The following AUTS2 variants were observed in gnomAD, a reference collection of about 807,000 sequenced individuals.
AUTS2 encodes autism susceptibility gene 2 protein.
Under a neutral mutation model 112.4 loss-of-function variants are expected in AUTS2, and 17 were observed. That is an observed-to-expected ratio of 0.15 (90% CI 0.10 to 0.23). The LOEUF is 0.23. AUTS2 is among the 10% of genes least tolerant of loss of function. The pLI, the probability that AUTS2 is intolerant of heterozygous loss-of-function variation, is 1.00. For synonymous variants in AUTS2, 751 were observed against 702.7 expected (o/e 1.07, Z -1.09); for missense variants, 1,510 against 1,701.6 (o/e 0.89, Z 1.98).
intron 4 of AUTS2, among the ~76,000 whole-genome samples, chr7:70,432,678 C>G (rs369504329): frequency 6.6e-6 from 1 of 152,150 alleles, no homozygotes; most frequent in East Asian, 1.9e-4. Context: ...GCAAGGCAAA[C>G]GTTAGGCGCT....
intron 1 of AUTS2, among the ~76,000 whole-genome samples, chr7:69,679,353 A>G (rs1719349523): frequency 6.6e-6 from 1 of 152,224 alleles, no homozygotes; most frequent in South Asian, 2.1e-4. Context: ...AGGCTCAACA[A>G]TGCCTTAGCT....
chr7:69,701,253 A>G (rs1797791394), intron 1 of AUTS2, among the ~76,000 whole-genome samples: 1 of 152,246 alleles, frequency 6.6e-6, no homozygotes, highest in African/African-American at 2.4e-5. Context: ...AAAGTCGTAC[A>G]GGGCAGTGGT....
intron 5 of AUTS2, chr7:70,436,765 C>T (rs1795910262): frequency 6.6e-6 from 1 of 152,226 alleles, no homozygotes; most frequent in African/African-American, 2.4e-5. Context: ...GAATTTTTCT[C>T]TCCTTCTCTG....
chr7:70,774,967 C>T (rs778111894), intron 12 of AUTS2: 13 of 214,222 alleles, frequency 6.1e-5, no homozygotes, highest in Non-Finnish European at 9.1e-5. Context: ...GGACACCTCT[C>T]CCCAGATACC....
At chr7:70,193,253 A>T (rs1809997829) in intron 4 of AUTS2, among the ~76,000 whole-genome samples, 1 of 152,156 alleles carries the variant, frequency 6.6e-6, no homozygotes, top group African/African-American at 2.4e-5. Flanking sequence ...CATTATCTAA[A>T]CGTATGCATT....
rs11767893 is a variant in AUTS2, at chr7:70,487,201, C to G, written c.690+51420C>G. Among the ~76,000 whole-genome samples, 9 of 152,018 alleles carry G rather than the reference C, an allele frequency of 5.9e-5. No individual in the cohort carries two copies. In the South Asian group the frequency reaches 6.2e-4, roughly 11 times the overall value. ...TTTTGCCCTCCTTTTTCTGACTCAT[C>G]TACCTCATCCTTCTCCTTTCCTCCC... On this transcript the variant is annotated intron_variant, in intron 5 of 18. Transcript: ENST00000342771.
chr7:70,568,596 T>G (rs2129524932), intron 5 of AUTS2, among the ~76,000 whole-genome samples: 1 of 152,326 alleles, frequency 6.6e-6, no homozygotes, highest in East Asian at 1.9e-4. Context: ...TGTTCTCAAG[T>G]GGGCACACAG....
chr7:70,230,860 C>T (rs1169516351), intron 4 of AUTS2, among the ~76,000 whole-genome samples: 1 of 152,204 alleles, frequency 6.6e-6, no homozygotes, highest in Non-Finnish European at 1.5e-5. Flanking sequence ...TTGTTTTTGA[C>T]AATACCCTTT....
chr7:70,582,270 C>T (rs1279075506), intron 5 of AUTS2, among the ~76,000 whole-genome samples: 3 of 152,038 alleles, frequency 2.0e-5, no homozygotes, highest in Admixed American at 6.6e-5. Context: ...TTTTCAGACC[C>T]GCACTCTTTC....
At chr7:70,208,602 G>C (rs898026739) in intron 4 of AUTS2, among the ~76,000 whole-genome samples, 1 of 152,026 alleles carries the variant, frequency 6.6e-6, no homozygotes, top group Non-Finnish European at 1.5e-5. Flanking sequence ...AAGCCTTGCT[G>C]TCAAAGACGT....
rs370428437 is a variant in AUTS2, at chr7:69,914,134, C to T, written c.522+14636C>T. Among the ~76,000 whole-genome samples the T allele has an allele frequency of 1.3e-4, 20 of 152,244 alleles. No individual in the cohort carries two copies. In the East Asian group the frequency reaches 3.9e-3, roughly 29 times the overall value. ...TTCTATGTCCTTCCTTATGTCTGCACCTTCTGCTGCACTCCAAGCTCTACT... is the reference window on the plus strand; with the variant it reads ...TTCTATGTCCTTCCTTATGTCTGCATCTTCTGCTGCACTCCAAGCTCTACT... On this transcript the variant is annotated intron_variant, in intron 2 of 18. Transcript: ENST00000342771.
In AUTS2 at chr7:70,010,658, A is replaced by G. The variant is rs923831527; in HGVS notation, c.523-107474A>G. Reference sequence around the variant, plus strand: ...TTTAGCCATGGAGATTTTGCAGTTGATACTACAGCATTATGTAGCCTATCC... The same window carrying G: ...TTTAGCCATGGAGATTTTGCAGTTGGTACTACAGCATTATGTAGCCTATCC... On this transcript the variant is annotated intron_variant, in intron 2 of 18. Coordinates refer to ENST00000342771, the MANE Select transcript of AUTS2 (RefSeq NM_015570.4). Among the ~76,000 whole-genome samples, 13 of 152,182 alleles carry G rather than the reference A, an allele frequency of 8.5e-5. No homozygotes were observed. In the East Asian group the frequency reaches 2.3e-3, roughly 27 times the overall value.
At chr7:69,914,119 T>A (rs2129542109) in intron 2 of AUTS2, among the ~76,000 whole-genome samples, 2 of 152,312 alleles carry the variant, frequency 1.3e-5, no homozygotes, top group South Asian at 4.1e-4. Context: ...TTCTATGTCC[T>A]TCCTTATGTC....
At chr7:69,659,480 A>G (rs528074130) in intron 1 of AUTS2, among the ~76,000 whole-genome samples, 1 of 143,412 alleles carries the variant, frequency 7.0e-6, no homozygotes, top group Non-Finnish European at 1.5e-5. Context: ...AAACGCCGCT[A>G]TACCTACTAA....
chr7:70,528,978 A>G (rs1356668574), intron 5 of AUTS2, among the ~76,000 whole-genome samples: 1 of 152,194 alleles, frequency 6.6e-6, no homozygotes, highest in Non-Finnish European at 1.5e-5. Flanking sequence ...AAACTCATTC[A>G]TAAACTATGG....
intron 5 of AUTS2, among the ~76,000 whole-genome samples, chr7:70,491,438 A>ACATAATATATATGT (rs1491465652): frequency 2.9e-5 from 4 of 139,420 alleles, no homozygotes; most frequent in African/African-American, 8.1e-5. Flanking sequence ...ACACACACAC[A>ACATAATATATATGT]TATATACACA....
intron 3 of AUTS2, among the ~76,000 whole-genome samples, chr7:70,123,574 C>T (rs1474284479): frequency 1.3e-5 from 2 of 152,162 alleles, no homozygotes; most frequent in Admixed American, 1.3e-4. Context: ...TTATTTAGCT[C>T]CCACTTATAA....
chr7:70,415,758 A>C (rs1473035921), intron 4 of AUTS2, among the ~76,000 whole-genome samples: 2 of 152,192 alleles, frequency 1.3e-5, no homozygotes, highest in Non-Finnish European at 2.9e-5. Flanking sequence ...CGGGGAGAGC[A>C]AGTCAACGGT....
intron 1 of AUTS2, among the ~76,000 whole-genome samples, chr7:69,867,109 A>G (rs1418843902): frequency 2.6e-5 from 4 of 152,134 alleles, no homozygotes; most frequent in Non-Finnish European, 2.9e-5. Flanking sequence ...AGGATGAAGG[A>G]GCAGTGAGAA....
Sources: allele counts gnomAD v4.1 joint callset (sites outside exome capture counted in the v4.1 genomes callset), GRCh38; gene constraint gnomAD v4.1.1; transcripts MANE v1.5; gene names NCBI Gene and HGNC (gene_info 2026-07-23, HGNC 2026-07-21).